Variants in OR2C1 observed in about 807,000 individuals in gnomAD.
The protein encoded by OR2C1 is olfactory receptor 2C1.
For missense variants in OR2C1, 468 were observed against 388.3 expected, an observed-to-expected ratio of 1.21 and a Z score of -1.73; for synonymous variants, 209 against 167.3, an observed-to-expected ratio of 1.25 and a Z score of -1.92.
chr16:3,332,595 G>A, the OR2C1 span, among the ~76,000 whole-genome samples: 6 of 151,986 alleles, frequency 3.9e-5, no homozygotes, highest in Non-Finnish European at 7.4e-5. Flanking sequence ...GAGTGAAAAC[G>A]TGTGATATTT....
In OR2C1 at chr16:3,356,663, C is replaced by A; in HGVS notation, c.723C>A (p.Cys241Ter). The A allele has an allele frequency of 1.2e-6, 2 of 1,614,158 alleles. No individual in the cohort carries two copies. Among genetic ancestry groups the A allele is most frequent in the Middle Eastern group, 1.6e-4 (1 of 6,062 alleles). The change falls in exon 1 of 1, where the codon TGC becomes TGA. Residue 241 changes from cysteine (C) to a stop codon, truncating the protein, a stop_gained. Coordinates refer to ENST00000304936, the MANE Select transcript of OR2C1 (RefSeq NM_012368.3). LOFTEE classifies it low-confidence loss of function (END_TRUNC). The part of the protein sequence containing the change: ...AEGRRKAFNT[C>*]LSHLLVVFLF... ...GGAGGCGAAAGGCGTTCAATACGTG[C>A]CTCTCCCATCTGCTGGTGGTGTTCC... is the stretch of plus-strand genomic sequence containing the variant.
upstream of OR2C1, among the ~76,000 whole-genome samples, chr16:3,353,986 T>TC (rs200424675): frequency 0.051 from 6,397 of 124,558 alleles, 188 homozygotes; most frequent in Non-Finnish European, 0.07. Flanking sequence ...TTCTTTTCTT[T>TC]TTTTTTTTTT....
At chr16:3,324,076 G>C in the OR2C1 span, among the ~76,000 whole-genome samples, 2 of 152,108 alleles carry the variant, frequency 1.3e-5, no homozygotes, top group African/African-American at 4.8e-5. Context: ...AAAAGTAAAA[G>C]ATCTTTACTG....
chr16:3,347,131 C>T, the OR2C1 span, among the ~76,000 whole-genome samples: 4 of 150,104 alleles, frequency 2.7e-5, no homozygotes, highest in African/African-American at 9.8e-5. Flanking sequence ...CCTGTAGTCC[C>T]AGCTGCTCAG....
the OR2C1 span, among the ~76,000 whole-genome samples, chr16:3,349,152 A>G: frequency 6.6e-6 from 1 of 152,132 alleles, no homozygotes; most frequent in Non-Finnish European, 1.5e-5. Flanking sequence ...TTAGGAACTA[A>G]GTTTGATAAT....
Position 3,356,306 on chromosome 16 carries a change from C to A in OR2C1, c.366C>A (p.Arg122=). ...CILLVVMAFD[R]YVAVCRPLRY... ...TGCTGGTGGTGATGGCATTTGACCG[C>A]TACGTGGCAGTGTGCCGGCCCCTCC... Residue 122 remains arginine, a synonymous_variant, in exon 1 of 1, where the codon CGC becomes CGA. Transcript: ENST00000304936. The A allele has an allele frequency of 6.2e-7, 1 of 1,613,466 alleles. No individual in the cohort carries two copies. Among genetic ancestry groups the A allele is most frequent in the South Asian group, 1.1e-5 (1 of 91,066 alleles).
the OR2C1 span, among the ~76,000 whole-genome samples, chr16:3,333,808 C>G: frequency 6.6e-6 from 1 of 152,122 alleles, no homozygotes; most frequent in East Asian, 1.9e-4. Flanking sequence ...ATGATTTCTT[C>G]TAGTAATTTC....
At chr16:3,345,763 CTCTT>C in the OR2C1 span, among the ~76,000 whole-genome samples, 2 of 149,506 alleles carry the variant, frequency 1.3e-5, no homozygotes, top group African/African-American at 4.9e-5. Context: ...CTCTCGTTCT[CTCTT>C]TCTCTCCCTC....
chr16:3,347,650 C>T, the OR2C1 span, among the ~76,000 whole-genome samples: 1 of 152,020 alleles, frequency 6.6e-6, no homozygotes, highest in Non-Finnish European at 1.5e-5. Context: ...TGAGATCATA[C>T]GATGTGCATT....
At chr16:3,336,788 A>C in the OR2C1 span, among the ~76,000 whole-genome samples, 4 of 135,694 alleles carry the variant, frequency 2.9e-5, no homozygotes, top group Non-Finnish European at 6.1e-5. Context: ...TGCTCACTGC[A>C]ACCTCCGTCT....
the OR2C1 span, among the ~76,000 whole-genome samples, chr16:3,345,255 T>C: frequency 9.9e-5 from 15 of 151,856 alleles, no homozygotes; most frequent in South Asian, 2.1e-4. Flanking sequence ...GATCATGAGG[T>C]CGGCAGATCA....
the OR2C1 span, among the ~76,000 whole-genome samples, chr16:3,345,657 G>C: frequency 6.6e-6 from 1 of 151,992 alleles, no homozygotes; most frequent in Admixed American, 6.6e-5. Flanking sequence ...CAATAGAGTA[G>C]GTGCCTATGA....
chr16:3,330,618 G>A, the OR2C1 span, among the ~76,000 whole-genome samples: 9 of 152,126 alleles, frequency 5.9e-5, no homozygotes, highest in Non-Finnish European at 7.3e-5. Context: ...ATATATGTAT[G>A]TATGTGATGA....
chr16:3,329,622 T>C, the OR2C1 span, among the ~76,000 whole-genome samples: 1 of 149,576 alleles, frequency 6.7e-6, no homozygotes, highest in African/African-American at 2.5e-5. Flanking sequence ...GCTAATTTTT[T>C]GTATTTTTAG....
In OR2C1 at chr16:3,356,605, C is replaced by A. The variant is rs1383920254; in HGVS notation, c.665C>A (p.Ala222Asp). ...ATCGTGATCTCCTACTGCCTCATTG[C>A]TCAGGCAGTGCTGAAAATCCGCTCT... The part of the protein sequence containing the change: ...SIIVISYCLI[A>D]QAVLKIRSAE... Residue 222 changes from alanine to aspartate, a missense_variant, in exon 1 of 1, where the codon GCT becomes GAT. Coordinates refer to ENST00000304936, the MANE Select transcript of OR2C1 (RefSeq NM_012368.3). 1.2e-6 allele frequency: 2 copies of A among 1,614,172 alleles called. No homozygotes were observed. The highest frequency in any genetic ancestry group is 3.3e-5 in the Admixed American group (2 of 60,022).
chr16:3,332,143 G>A, the OR2C1 span, among the ~76,000 whole-genome samples: 14 of 150,690 alleles, frequency 9.3e-5, no homozygotes, highest in African/African-American at 3.4e-4. Flanking sequence ...GAGTTAGTGG[G>A]TGCAGCGCAC....
the OR2C1 span, among the ~76,000 whole-genome samples, chr16:3,345,302 G>C: frequency 4.6e-5 from 7 of 151,958 alleles, no homozygotes; most frequent in African/African-American, 1.7e-4. Flanking sequence ...GGCTAACATG[G>C]TGAAACCCCG....
chr16:3,355,978 T>C lies in OR2C1; in HGVS notation c.38T>C (p.Val13Ala), dbSNP rs1454775861. ...GVNDSSLQGF[V>A]LMGISDHPQL... ...AATGATAGCTCCTTGCAGGGCTTTG[T>C]TCTGATGGGCATATCAGACCATCCC... is the stretch of plus-strand genomic sequence containing the variant. The change falls in exon 1 of 1, where the codon GTT becomes GCT. Residue 13 changes from valine to alanine, a missense_variant. Physicochemically the swap from Val to Ala is moderately conservative, Grantham distance 64 (BLOSUM62 0). Transcript: ENST00000304936. 1 of 1,613,674 alleles carries C rather than the reference T, an allele frequency of 6.2e-7. No individual in the cohort carries two copies. The highest frequency in any genetic ancestry group is 8.5e-7 in the Non-Finnish European group (1 of 1,179,688).
the OR2C1 span, among the ~76,000 whole-genome samples, chr16:3,326,164 C>T: frequency 1.3e-5 from 2 of 151,874 alleles, no homozygotes; most frequent in African/African-American, 2.4e-5. Flanking sequence ...CTCCAGACCT[C>T]GTGATTGGCC....
Sources: gnomAD v4.1 joint callset for allele counts (sites outside exome capture counted in the v4.1 genomes callset) on GRCh38, gnomAD v4.1.1 for gene constraint, MANE v1.5 for transcripts, NCBI Gene and HGNC (gene_info 2026-07-23, HGNC 2026-07-21) for gene names.